KCNH7: variants seen among roughly 807,000 people sequenced by gnomAD.
The protein encoded by KCNH7 is voltage-gated inwardly rectifying potassium channel KCNH7.
In KCNH7, 49 loss-of-function variants were observed where a neutral mutation model predicts 120.8. The ratio of observed to expected loss-of-function variants is 0.41; its 90% CI spans 0.32 to 0.51. The LOEUF (loss-of-function observed/expected upper bound fraction) is 0.51, where lower values mean the gene tolerates loss of function less well. Among genes scored for constraint, KCNH7 ranks in the 20% least tolerant of loss-of-function variants. The pLI is 0.38. For missense variants in KCNH7, 1,097 were observed against 1,446.6 expected (o/e 0.76, Z 3.92); for synonymous variants, 547 against 516.1 (o/e 1.06, Z -0.81).
chr2:162,739,035 A>T (rs767418987), intron 2 of KCNH7, among the ~76,000 whole-genome samples: 22 of 152,006 alleles, frequency 1.4e-4, no homozygotes, highest in Non-Finnish European at 2.9e-4. Flanking sequence ...CCTGTGCGGG[A>T]GCTCAACTTC....
chr2:162,470,143 G>A (rs989784204), intron 6 of KCNH7, among the ~76,000 whole-genome samples: 1 of 152,170 alleles, frequency 6.6e-6, no homozygotes, highest in African/African-American at 2.4e-5. Flanking sequence ...TCTGGGAAGT[G>A]AGGAGTGTCT....
At chr2:162,752,902 G>GAAAAAAGAAAAGAAA (rs140501872) in intron 2 of KCNH7, among the ~76,000 whole-genome samples, 9 of 61,218 alleles carry the variant, frequency 1.5e-4, no homozygotes, top group East Asian at 8.5e-4. Context: ...CTACATCTCA[G>GAAAAAAGAAAAGAAA]AAAAAGAAAA....
At position 162,472,339 on chromosome 2, in the gene KCNH7, T is replaced by C. The variant is rs189927180; in HGVS notation, c.1129-25896A>G. Among the ~76,000 whole-genome samples the C allele has an allele frequency of 2.2e-4, 34 of 152,282 alleles. No homozygotes were observed. In the East Asian group the frequency reaches 4.6e-3, roughly 21 times the overall value. ...GGAGAAAATTTTTGCAATCTACTCA[T>C]CTGACAAAGGGCTAATACCCAGAAT... is the stretch of plus-strand genomic sequence containing the variant. On this transcript the variant is annotated intron_variant, in intron 6 of 15. Transcript: ENST00000332142.
chr2:162,504,416 G>A, intron 6 of KCNH7, 27 bp downstream of exon 6: 1 of 1,535,294 alleles, frequency 6.5e-7, no homozygotes, highest in Non-Finnish European at 9.0e-7. Context: ...TAAAACAGTT[G>A]AAATTGATAA....
chr2:162,462,822 A>T (rs899690950), intron 6 of KCNH7, among the ~76,000 whole-genome samples: 3 of 152,084 alleles, frequency 2.0e-5, no homozygotes, highest in Non-Finnish European at 2.9e-5. Context: ...TGATTTGGTC[A>T]TTCCACAATG....
At chr2:162,374,820 C>A (rs922438352) in intron 14 of KCNH7, among the ~76,000 whole-genome samples, 4 of 151,914 alleles carry the variant, frequency 2.6e-5, no homozygotes, top group African/African-American at 9.7e-5. Flanking sequence ...AGCCATATAG[C>A]TTTGTGTCTT....
chr2:162,673,408 A>G (rs774850027), intron 2 of KCNH7, among the ~76,000 whole-genome samples: 2 of 152,052 alleles, frequency 1.3e-5, no homozygotes, highest in Non-Finnish European at 1.5e-5. Flanking sequence ...AATTAGTAGA[A>G]TCCACCACAT....
intron 2 of KCNH7, among the ~76,000 whole-genome samples, chr2:162,817,800 C>A (rs1684966840): frequency 6.6e-6 from 1 of 152,064 alleles, no homozygotes; most frequent in Non-Finnish European, 1.5e-5. Flanking sequence ...CTTCCAGTTT[C>A]ATATGCTTAT....
intron 2 of KCNH7, among the ~76,000 whole-genome samples, chr2:162,807,256 C>CAAAAAAAA (rs745345993): frequency 4.2e-3 from 65 of 15,604 alleles, no homozygotes; most frequent in Non-Finnish European, 5.3e-3. Context: ...ACTAAAAATA[C>CAAAAAAAA]AAAAAAAAAA....
chr2:162,824,404 G>A (rs188773175), intron 2 of KCNH7, among the ~76,000 whole-genome samples: 1 of 152,170 alleles, frequency 6.6e-6, no homozygotes, highest in Non-Finnish European at 1.5e-5. Flanking sequence ...TTTTTGTGTA[G>A]TCCTTCATTG....
chr2:162,706,539 A>G (rs1322319726), intron 2 of KCNH7, among the ~76,000 whole-genome samples: 1 of 152,130 alleles, frequency 6.6e-6, no homozygotes. Context: ...GAGCCCAGTC[A>G]GGAGCTCAGA....
intron 9 of KCNH7, among the ~76,000 whole-genome samples, chr2:162,400,916 C>T (rs1249528716): frequency 6.6e-6 from 1 of 151,854 alleles, no homozygotes; most frequent in Non-Finnish European, 1.5e-5. Context: ...CTGAAATAGT[C>T]ATGGTATTGG....
At chr2:162,704,355 T>C (rs1686620368) in intron 2 of KCNH7, among the ~76,000 whole-genome samples, 2 of 152,192 alleles carry the variant, frequency 1.3e-5, no homozygotes, top group South Asian at 2.1e-4. Flanking sequence ...AACAACAAAG[T>C]CAATTAGAGA....
intron 6 of KCNH7, among the ~76,000 whole-genome samples, chr2:162,501,592 C>T (rs902777360): frequency 6.6e-6 from 1 of 152,068 alleles, no homozygotes; most frequent in African/African-American, 2.4e-5. Flanking sequence ...GTTATGGCGG[C>T]TGTGAAGTCC....
At chr2:162,389,682 A>G (rs993232492) in intron 12 of KCNH7, among the ~76,000 whole-genome samples, 1 of 152,066 alleles carries the variant, frequency 6.6e-6, no homozygotes, top group African/African-American at 2.4e-5. Flanking sequence ...AATTTTCACA[A>G]TATTTGAGGC....
intron 2 of KCNH7, among the ~76,000 whole-genome samples, chr2:162,674,185 T>G (rs993701599): frequency 6.6e-6 from 1 of 151,774 alleles, no homozygotes; most frequent in Non-Finnish European, 1.5e-5. Flanking sequence ...GAGTACATAT[T>G]AATATAAAAT....
intron 2 of KCNH7, among the ~76,000 whole-genome samples, chr2:162,763,842 A>G (rs113240267): frequency 4.8e-4 from 73 of 151,358 alleles, no homozygotes; most frequent in African/African-American, 1.7e-3. Flanking sequence ...TGTGTCAACT[A>G]CTATAGTAGT....
At position 162,682,053 on chromosome 2, in the gene KCNH7, A is replaced by C. The variant is rs1018846459; in HGVS notation, c.308-144973T>G. ...ATGAATTTATTTTCACGATTAGTTC[A>C]CAAAGGTAAAGTCATAAAGCTATTG... On this transcript the variant is annotated intron_variant, in intron 2 of 15. Coordinates refer to ENST00000332142, the MANE Select transcript of KCNH7 (RefSeq NM_033272.4). 2.6e-5 allele frequency among the ~76,000 whole-genome samples: 4 copies of C among 151,734 alleles called. No individual in the cohort carries two copies. The South Asian group carries it at 8.3e-4, about 31-fold the overall frequency.
chr2:162,393,016 T>G (rs1303437171), intron 12 of KCNH7, among the ~76,000 whole-genome samples: 1 of 151,970 alleles, frequency 6.6e-6, no homozygotes, highest in Non-Finnish European at 1.5e-5. Flanking sequence ...GGCCCAGAGC[T>G]GTGGCTAAGT....
Sources: gnomAD v4.1 joint callset for allele counts (sites outside exome capture counted in the v4.1 genomes callset) on GRCh38, gnomAD v4.1.1 for gene constraint, MANE v1.5 for transcripts, NCBI Gene and HGNC (gene_info 2026-07-23, HGNC 2026-07-21) for gene names.